The following DYNC1I1 variants were observed in gnomAD, a reference collection of about 807,000 sequenced individuals.
The protein encoded by DYNC1I1 is cytoplasmic dynein 1 intermediate chain 1.
In DYNC1I1, 43 loss-of-function variants were observed where a neutral mutation model predicts 86.6. The observed-to-expected ratio is 0.50, with a 90% CI of 0.39 to 0.64. The LOEUF is 0.64. Among genes scored for constraint, DYNC1I1 ranks in the 30% least tolerant of loss-of-function variants. The pLI, the probability that DYNC1I1 is intolerant of heterozygous loss-of-function variation, is 0.00. For missense variants in DYNC1I1, 604 were observed against 788.8 expected (o/e 0.77, Z 2.81); for synonymous variants, 262 against 283.7 (o/e 0.92, Z 0.77).
intron 1 of DYNC1I1, among the ~76,000 whole-genome samples, chr7:95,779,960 A>G (rs978438107): frequency 2.6e-5 from 4 of 152,162 alleles, no homozygotes; most frequent in South Asian, 2.1e-4. Flanking sequence ...GAGGAGGACA[A>G]TATTTCATTG....
At position 96,069,987 on chromosome 7, in the gene DYNC1I1, A is replaced by G. The variant is rs141837585; in HGVS notation, c.1510-6070A>G. ...TTTGGTTTATGCACACAAAAAACAA[A>G]TAGACCACTATACATAGTCCATTGA... On this transcript the variant is annotated intron_variant, in intron 14 of 16. Transcript: ENST00000447467. Among the ~76,000 whole-genome samples the G allele has an allele frequency of 7.6e-3, 1,162 of 152,314 alleles. 11 individuals carry two copies. Among genetic ancestry groups the G allele is most frequent in the African/African-American group, 0.026 (1,096 of 41,574 alleles).
intron 5 of DYNC1I1, among the ~76,000 whole-genome samples, chr7:95,839,269 GA>G (rs1040184825): frequency 1.6e-4 from 25 of 152,136 alleles, no homozygotes; most frequent in Non-Finnish European, 1.6e-4. Context: ...GACCTCGGGT[GA>G]TCCACCCACC....
intron 6 of DYNC1I1, among the ~76,000 whole-genome samples, chr7:95,922,095 CTG>C (rs1200714706): frequency 2.6e-5 from 4 of 152,102 alleles, no homozygotes; most frequent in Admixed American, 6.6e-5. Context: ...AAATATGAAA[CTG>C]GAATTTCAAT....
chr7:95,780,781 G>A (rs1307301162), intron 1 of DYNC1I1, among the ~76,000 whole-genome samples: 1 of 152,048 alleles, frequency 6.6e-6, no homozygotes, highest in African/African-American at 2.4e-5. Flanking sequence ...CTGAGTGCAG[G>A]GGATGACCCT....
rs559482577 is a variant in DYNC1I1, at chr7:95,877,545, T to C, written c.490+7547T>C. 2.6e-5 allele frequency among the ~76,000 whole-genome samples: 4 copies of C among 152,328 alleles called. No individual in the cohort carries two copies. In the East Asian group the frequency reaches 7.7e-4, roughly 29 times the overall value. ...CAAGTCAAAATCAGAGAGCTCAGAA[T>C]GTCTTCTCAAAAGAGCTAACATGAT... is the stretch of plus-strand genomic sequence containing the variant. On this transcript the variant is annotated intron_variant, in intron 6 of 16. Transcript: ENST00000447467.
chr7:95,954,181 C>T (rs949232571), intron 6 of DYNC1I1, among the ~76,000 whole-genome samples: 10 of 151,236 alleles, frequency 6.6e-5, no homozygotes, highest in Non-Finnish European at 8.8e-5. Context: ...CAGGCAATTC[C>T]GTGTTTTAAT....
chr7:95,828,750 G>A (rs1795257572), intron 5 of DYNC1I1, among the ~76,000 whole-genome samples: 1 of 152,092 alleles, frequency 6.6e-6, no homozygotes, highest in African/African-American at 2.4e-5. Context: ...AAACCTCAGA[G>A]ATGAAGACTT....
rs1327252665 is a variant in DYNC1I1 at position 95,898,889 on chromosome 7, G to A, written c.490+28891G>A. On this transcript the variant is annotated intron_variant, in intron 6 of 16. Transcript: ENST00000447467. ...GATTAGACTCGAAGATTTCATTATG[G>A]AAATGGGAATCTCTTTTTTTAAAAA... 2.6e-5 allele frequency among the ~76,000 whole-genome samples: 4 copies of A among 152,112 alleles called. No individual in the cohort carries two copies. In the East Asian group the frequency reaches 7.7e-4, roughly 29 times the overall value.
intron 6 of DYNC1I1, among the ~76,000 whole-genome samples, chr7:95,934,172 A>G (rs1472883136): frequency 1.3e-5 from 2 of 152,126 alleles, no homozygotes; most frequent in Admixed American, 6.5e-5. Context: ...AAAACAACCA[A>G]CCATGGCCCC....
At chr7:96,091,540 C>T (rs758320583) in intron 16 of DYNC1I1, among the ~76,000 whole-genome samples, 9 of 152,020 alleles carry the variant, frequency 5.9e-5, no homozygotes, top group African/African-American at 1.2e-4. Flanking sequence ...GCTTTTCTAA[C>T]GTCTTAATTA....
chr7:96,006,562 G>A (rs1175141115), intron 10 of DYNC1I1, among the ~76,000 whole-genome samples: 2 of 152,118 alleles, frequency 1.3e-5, no homozygotes, highest in Non-Finnish European at 2.9e-5. Flanking sequence ...ACATTCCAAT[G>A]TGTTCTTCCC....
intron 14 of DYNC1I1, among the ~76,000 whole-genome samples, chr7:96,043,641 A>G (rs1446136409): frequency 6.6e-6 from 1 of 152,250 alleles, no homozygotes; most frequent in South Asian, 2.1e-4. Context: ...CAGGTGAAAA[A>G]CTTTACAAGG....
At chr7:96,085,080 T>C (rs1398092674) in intron 16 of DYNC1I1, among the ~76,000 whole-genome samples, 1 of 152,140 alleles carries the variant, frequency 6.6e-6, no homozygotes, top group African/African-American at 2.4e-5. Context: ...GATTAGGGCA[T>C]TGCAGAAAGG....
chr7:95,982,275 G>A (rs1250245781), intron 7 of DYNC1I1, among the ~76,000 whole-genome samples: 1 of 152,144 alleles, frequency 6.6e-6, no homozygotes, highest in Non-Finnish European at 1.5e-5. Context: ...ATCCCTGTTT[G>A]ACATCAAAGC....
At chr7:96,088,787 C>T (rs1469041405) in intron 16 of DYNC1I1, among the ~76,000 whole-genome samples, 1 of 152,064 alleles carries the variant, frequency 6.6e-6, no homozygotes, top group Non-Finnish European at 1.5e-5. Flanking sequence ...CCACGTAGGT[C>T]GGACTTGAAA....
intron 11 of DYNC1I1, among the ~76,000 whole-genome samples, chr7:96,028,584 C>G (rs1794737328): frequency 6.6e-6 from 1 of 152,100 alleles, no homozygotes; most frequent in Non-Finnish European, 1.5e-5. Context: ...GAAGAGAAAC[C>G]TTGGAAGAGG....
At chr7:95,940,764 G>A (rs981272724) in intron 6 of DYNC1I1, among the ~76,000 whole-genome samples, 24 of 152,216 alleles carry the variant, frequency 1.6e-4, no homozygotes, top group Non-Finnish European at 2.8e-4. Context: ...GTAGCTCAGA[G>A]TAGTTTGATC....
In DYNC1I1 at chr7:95,833,024, T is replaced by G. The variant is rs1323560031; in HGVS notation, c.374+4908T>G. 8.8e-4 allele frequency among the ~76,000 whole-genome samples: 132 copies of G among 149,794 alleles called. 1 individual carries two copies. The highest frequency in any genetic ancestry group is 6.9e-3 in the Middle Eastern group (2 of 290). On this transcript the variant is annotated intron_variant, in intron 5 of 16. Coordinates refer to ENST00000447467, the MANE Select transcript of DYNC1I1 (RefSeq NM_001135556.2). ...TTTTGTTGCCATTGCTTTTGGTGTTTTAGACATGAAGTCCTAGCCCATGCC... is the reference window on the plus strand; with the variant it reads ...TTTTGTTGCCATTGCTTTTGGTGTTGTAGACATGAAGTCCTAGCCCATGCC...
intron 14 of DYNC1I1, among the ~76,000 whole-genome samples, chr7:96,043,740 T>C (rs999745704): frequency 1.3e-5 from 2 of 151,910 alleles, no homozygotes; most frequent in African/African-American, 4.8e-5. Flanking sequence ...AAATGTAGTC[T>C]CTCTCTGTTG....
Sources: allele counts gnomAD v4.1 joint callset (sites outside exome capture counted in the v4.1 genomes callset), GRCh38; gene constraint gnomAD v4.1.1; transcripts MANE v1.5; gene names NCBI Gene and HGNC (gene_info 2026-07-23, HGNC 2026-07-21).